NLGN1: variants seen among roughly 807,000 people sequenced by gnomAD.
NLGN1 encodes the protein neuroligin-1.
NLGN1 carries 12 observed loss-of-function variants against 65.5 expected under a neutral mutation model. The observed-to-expected ratio is 0.18, with a 90% CI of 0.12 to 0.30. The LOEUF (loss-of-function observed/expected upper bound fraction) is 0.30, where lower values mean the gene tolerates loss of function less well. Among genes scored for constraint, NLGN1 ranks in the 10% least tolerant of loss-of-function variants. The pLI, the probability that NLGN1 is intolerant of heterozygous loss-of-function variation, is 1.00. For synonymous variants in NLGN1, 350 were observed against 359.5 expected, an observed-to-expected ratio of 0.97 and a Z score of 0.30; for missense variants, 750 against 1,007.1, an observed-to-expected ratio of 0.74 and a Z score of 3.46.
At chr3:173,782,086 C>G (rs1418756265) in intron 3 of NLGN1, among the ~76,000 whole-genome samples, 1 of 116,012 alleles carries the variant, frequency 8.6e-6, no homozygotes, top group African/African-American at 3.0e-5. Flanking sequence ...GTTGGAAGAG[C>G]TTTGGAAGTG....
chr3:174,110,975 G>T (rs1715090272), intron 4 of NLGN1, among the ~76,000 whole-genome samples: 1 of 151,934 alleles, frequency 6.6e-6, no homozygotes, highest in Non-Finnish European at 1.5e-5. Context: ...CAAAGTAAGT[G>T]TTGAGGAATA....
chr3:174,180,439 C>A (rs1730175811), intron 4 of NLGN1, among the ~76,000 whole-genome samples: 2 of 152,052 alleles, frequency 1.3e-5, no homozygotes, highest in South Asian at 4.1e-4. Context: ...AGAGAAATGT[C>A]ATGTAATTAT....
At chr3:174,111,999 C>T (rs1364244015) in intron 4 of NLGN1, among the ~76,000 whole-genome samples, 1 of 151,868 alleles carries the variant, frequency 6.6e-6, no homozygotes, top group East Asian at 1.9e-4. Context: ...AAGAGAGGAA[C>T]CCAGCCAGCA....
chr3:174,183,733 G>A (rs1462320130), intron 4 of NLGN1, among the ~76,000 whole-genome samples: 1 of 152,148 alleles, frequency 6.6e-6, no homozygotes, highest in Non-Finnish European at 1.5e-5. Context: ...GCCCTAAAAA[G>A]TCCAACCAAA....
chr3:173,453,138 T>C (rs1183725271), intron 2 of NLGN1, among the ~76,000 whole-genome samples: 1 of 151,942 alleles, frequency 6.6e-6, no homozygotes, highest in Admixed American at 6.6e-5. Context: ...ATTTTCTTTT[T>C]TCATGGGCTG....
intron 4 of NLGN1, among the ~76,000 whole-genome samples, chr3:173,900,211 G>A (rs1737080975): frequency 3.9e-5 from 6 of 152,102 alleles, no homozygotes. Context: ...TTTGTCAAAT[G>A]TATGCTTTAA....
downstream of NLGN1, among the ~76,000 whole-genome samples, chr3:174,288,767 C>A (rs1422480476): frequency 1.3e-5 from 2 of 151,498 alleles, no homozygotes; most frequent in African/African-American, 4.8e-5. Context: ...CCACTATCAA[C>A]TTCCTCATTA....
chr3:173,734,420 A>G (rs1371411183), intron 3 of NLGN1, among the ~76,000 whole-genome samples: 3 of 85,384 alleles, frequency 3.5e-5, no homozygotes, highest in African/African-American at 1.3e-4. Context: ...TTTTAGAAAC[A>G]GGGTTTCACC....
At position 173,476,427 on chromosome 3, in the gene NLGN1, AT is replaced by A. The variant is rs555654118; in HGVS notation, c.-321+41353del. ...ATAATTATAAATCTATTTATCATCT[AT>A]TTTAAAACTGCTCCAAAAAATTGTG... On this transcript the variant is annotated intron_variant, in intron 2 of 6. Coordinates refer to ENST00000457714, the Ensembl canonical transcript of NLGN1. Among the ~76,000 whole-genome samples the A allele has an allele frequency of 5.3e-5, 8 of 152,344 alleles. No individual in the cohort carries two copies. The East Asian group carries it at 1.5e-3, about 29-fold the overall frequency.
intron 1 of NLGN1, among the ~76,000 whole-genome samples, chr3:173,420,101 GT>G (rs1247722144): frequency 6.9e-6 from 1 of 143,984 alleles, no homozygotes; most frequent in African/African-American, 2.6e-5. Flanking sequence ...TATACTTTAA[GT>G]TTTAGGGTAC....
At chr3:174,268,041 A>G (rs1218385662) in intron 4 of NLGN1, among the ~76,000 whole-genome samples, 1 of 152,198 alleles carries the variant, frequency 6.6e-6, no homozygotes, top group Non-Finnish European at 1.5e-5. Context: ...GAAGCTACAT[A>G]GTATAATTCT....
intron 4 of NLGN1, among the ~76,000 whole-genome samples, chr3:174,192,111 G>A (rs746505267): frequency 1.3e-5 from 2 of 151,814 alleles, no homozygotes; most frequent in Middle Eastern, 3.2e-3. Context: ...GTATATTTCC[G>A]GATAGCCAGG....
At chr3:173,863,989 T>C (rs1729638072) in intron 4 of NLGN1, among the ~76,000 whole-genome samples, 1 of 152,158 alleles carries the variant, frequency 6.6e-6, no homozygotes, top group East Asian at 1.9e-4. Context: ...ATTTGGATGA[T>C]GGTGATGAGA....
chr3:174,289,428 C>T (rs988495638), downstream of NLGN1, among the ~76,000 whole-genome samples: 12 of 151,372 alleles, frequency 7.9e-5, no homozygotes, highest in African/African-American at 2.9e-4. Flanking sequence ...TTCCTCTTTT[C>T]TACACACACA....
chr3:173,404,068 G>A (rs1352975303), intron 1 of NLGN1, among the ~76,000 whole-genome samples: 1 of 152,012 alleles, frequency 6.6e-6, no homozygotes, highest in Non-Finnish European at 1.5e-5. Flanking sequence ...CAGACAGGTG[G>A]GAAACTAAGG....
chr3:174,113,651 T>C (rs1715715488), intron 4 of NLGN1, among the ~76,000 whole-genome samples: 1 of 152,156 alleles, frequency 6.6e-6, no homozygotes, highest in Non-Finnish European at 1.5e-5. Context: ...TGAGCCTGGA[T>C]TTAATGATTT....
At chr3:174,082,051 G>A (rs1158100518) in intron 4 of NLGN1, among the ~76,000 whole-genome samples, 1 of 152,126 alleles carries the variant, frequency 6.6e-6, no homozygotes, top group Non-Finnish European at 1.5e-5. Context: ...ATGTACAATG[G>A]CTGCAGTGTA....
chr3:173,622,378 T>A (rs569296170), intron 3 of NLGN1, among the ~76,000 whole-genome samples: 1 of 152,196 alleles, frequency 6.6e-6, no homozygotes, highest in African/African-American at 2.4e-5. Flanking sequence ...GTTAGGCTGT[T>A]TCCTGAGACT....
At chr3:173,856,279 C>T (rs562157674) in intron 4 of NLGN1, among the ~76,000 whole-genome samples, 2,364 of 42,818 alleles carry the variant, frequency 0.055, 30 homozygotes, top group Non-Finnish European at 0.094. Context: ...AGTAGTAGCT[C>T]GTTTTACTAT....
Sources: allele counts gnomAD v4.1 joint callset (sites outside exome capture counted in the v4.1 genomes callset), GRCh38; gene constraint gnomAD v4.1.1; transcripts MANE v1.5; gene names NCBI Gene and HGNC (gene_info 2026-07-23, HGNC 2026-07-21).